Variants in CAMTA1 observed in about 807,000 individuals in gnomAD.
The protein encoded by CAMTA1 is calmodulin binding transcription activator 1, also known as calmodulin-binding transcription activator 1.
CAMTA1 carries 27 observed loss-of-function variants against 170.9 expected under a neutral mutation model. That is an observed-to-expected ratio of 0.16 (90% CI 0.12 to 0.22). CAMTA1 has a LOEUF of 0.22. Among genes scored for constraint, CAMTA1 ranks in the 10% least tolerant of loss-of-function variants. The probability of loss-of-function intolerance (pLI) is 1.00; values close to 1 mark genes in which losing one functional copy is unlikely to be tolerated. For synonymous variants in CAMTA1, 833 were observed against 891.5 expected (o/e 0.93, Z 1.17); for missense variants, 1,619 against 2,217.2 (o/e 0.73, Z 5.42).
intron 6 of CAMTA1, among the ~76,000 whole-genome samples, chr1:7,513,685 G>A (rs2094236010): frequency 6.6e-6 from 1 of 152,188 alleles, no homozygotes. Flanking sequence ...CACTTTGGGA[G>A]GCCGAGATGG....
At chr1:7,559,895 A>G (rs1053958439) in intron 6 of CAMTA1, among the ~76,000 whole-genome samples, 2 of 152,210 alleles carry the variant, frequency 1.3e-5, no homozygotes, top group African/African-American at 4.8e-5. Context: ...AGGAAACACA[A>G]GTCAGACTCG....
chr1:7,353,313 C>T (rs1234016711), intron 5 of CAMTA1, among the ~76,000 whole-genome samples: 2 of 152,168 alleles, frequency 1.3e-5, no homozygotes, highest in African/African-American at 2.4e-5. Flanking sequence ...TCTAACCTCT[C>T]ACCTGAACCC....
intron 3 of CAMTA1, among the ~76,000 whole-genome samples, chr1:6,929,961 G>T (rs1223011667): frequency 2.0e-5 from 3 of 152,178 alleles, no homozygotes; most frequent in Admixed American, 1.3e-4. Flanking sequence ...CCCATTCAAT[G>T]TGGTCTTGAC....
intron 3 of CAMTA1, among the ~76,000 whole-genome samples, chr1:6,878,725 T>C (rs927284934): frequency 4.6e-5 from 7 of 152,218 alleles, no homozygotes; most frequent in African/African-American, 1.4e-4. Flanking sequence ...GGAAGCTGGA[T>C]CAGTAAGGGA....
chr1:7,439,342 A>T (rs1051468108), intron 5 of CAMTA1, among the ~76,000 whole-genome samples: 5 of 152,098 alleles, frequency 3.3e-5, no homozygotes, highest in Non-Finnish European at 5.9e-5. Flanking sequence ...CGTTGTCTGG[A>T]ATCGAGCCCC....
At chr1:7,649,741 C>T (rs374427304) in intron 7 of CAMTA1, among the ~76,000 whole-genome samples, 4 of 152,322 alleles carry the variant, frequency 2.6e-5, no homozygotes, top group South Asian at 2.1e-4. Flanking sequence ...GCTTCAAGGC[C>T]GCATAGCTGC....
chr1:7,399,757 C>T (rs560307983), intron 5 of CAMTA1, among the ~76,000 whole-genome samples: 1 of 152,262 alleles, frequency 6.6e-6, no homozygotes, highest in East Asian at 1.9e-4. Context: ...ATATTCTAGG[C>T]TGGCAGGTTT....
intron 5 of CAMTA1, among the ~76,000 whole-genome samples, chr1:7,308,536 A>T (rs1574573035): frequency 1.3e-5 from 2 of 152,186 alleles, no homozygotes; most frequent in East Asian, 3.9e-4. Context: ...ACAGATTTTG[A>T]TACATTATAT....
intron 5 of CAMTA1, among the ~76,000 whole-genome samples, chr1:7,368,009 G>A (rs2086124046): frequency 6.6e-6 from 1 of 151,354 alleles, no homozygotes; most frequent in African/African-American, 2.4e-5. Flanking sequence ...CACAGGCCCT[G>A]GGCACTCATG....
At position 7,093,495 on chromosome 1, in the gene CAMTA1, C is replaced by A. The variant is rs1163217663; in HGVS notation, c.302+2124C>A. 6.6e-6 allele frequency among the ~76,000 whole-genome samples: 1 copy of A among 152,174 alleles called. No individual in the cohort carries two copies. Among genetic ancestry groups the A allele is most frequent in the Non-Finnish European group, 1.5e-5 (1 of 68,036 alleles). On this transcript the variant is annotated intron_variant, in intron 4 of 22. Coordinates refer to ENST00000303635, the MANE Select transcript of CAMTA1 (RefSeq NM_015215.4). The surrounding 1 kb of genome is among the most constrained non-coding windows in gnomAD (Gnocchi z 4.6). ...GGAAAGAGAAGAGCTCCTCCTTAGC[C>A]AGAGAGGGAGCTTCTCTGGAATGCG...
At chr1:7,701,788 T>C (rs1183909509) in intron 11 of CAMTA1, among the ~76,000 whole-genome samples, 3 of 152,138 alleles carry the variant, frequency 2.0e-5, no homozygotes, top group Non-Finnish European at 4.4e-5. Context: ...AACTGAGTAT[T>C]CTTTTTCTCT....
In CAMTA1 at chr1:7,248,777, A is replaced by T. The variant is rs949391703; in HGVS notation, c.303-714A>T. On this transcript the variant is annotated intron_variant, in intron 4 of 22. Coordinates refer to ENST00000303635, the MANE Select transcript of CAMTA1 (RefSeq NM_015215.4). This position sits in a 1 kb window ranked among gnomAD's most constrained non-coding sequence, Gnocchi z 4.0. ...CTTTTTCATCATCACACGAATGACCATCTAACTCTTAGCATTTAGGGAGCA... is the reference window on the plus strand; with the variant it reads ...CTTTTTCATCATCACACGAATGACCTTCTAACTCTTAGCATTTAGGGAGCA... 6.6e-6 allele frequency among the ~76,000 whole-genome samples: 1 copy of T among 152,116 alleles called. No homozygotes were observed. The highest frequency in any genetic ancestry group is 1.5e-5 in the Non-Finnish European group (1 of 68,030).
intron 5 of CAMTA1, among the ~76,000 whole-genome samples, chr1:7,369,490 T>C (rs2086268498): frequency 6.6e-6 from 1 of 152,154 alleles, no homozygotes; most frequent in African/African-American, 2.4e-5. Flanking sequence ...TGGTTAAGGC[T>C]TATCAGAGTG....
intron 5 of CAMTA1, among the ~76,000 whole-genome samples, chr1:7,347,619 A>G (rs1352147665): frequency 2.6e-5 from 4 of 152,226 alleles, no homozygotes; most frequent in Non-Finnish European, 5.9e-5. Flanking sequence ...TCTAGAGGCC[A>G]GAAGTCTGAA....
intron 5 of CAMTA1, among the ~76,000 whole-genome samples, chr1:7,459,020 G>A (rs1397859585): frequency 1.3e-5 from 2 of 152,306 alleles, no homozygotes; most frequent in African/African-American, 2.4e-5. Context: ...ATCCTTCAGC[G>A]AGGACAGTCT....
intron 11 of CAMTA1, among the ~76,000 whole-genome samples, chr1:7,708,594 A>C (rs2096545214): frequency 6.6e-6 from 1 of 152,232 alleles, no homozygotes; most frequent in African/African-American, 2.4e-5. Flanking sequence ...CTGGAATTTT[A>C]GTTTATAAAG....
At chr1:7,166,863 C>T (rs908755088) in intron 4 of CAMTA1, among the ~76,000 whole-genome samples, 2 of 150,306 alleles carry the variant, frequency 1.3e-5, no homozygotes, top group Non-Finnish European at 3.0e-5. Flanking sequence ...CAAGCTGGAG[C>T]GCAGTGGTGC....
At chr1:7,332,826 T>TACAC (rs139361283) in intron 5 of CAMTA1, among the ~76,000 whole-genome samples, 2 of 150,664 alleles carry the variant, frequency 1.3e-5, no homozygotes, top group East Asian at 1.9e-4. Context: ...CACCCGCAGA[T>TACAC]ACACACACAC....
chr1:7,498,703 G>A (rs1343286978), intron 6 of CAMTA1, among the ~76,000 whole-genome samples: 1 of 152,168 alleles, frequency 6.6e-6, no homozygotes, highest in Non-Finnish European at 1.5e-5. Flanking sequence ...GTGTATATGT[G>A]TGTGCACATG....
Sources: allele counts gnomAD v4.1 joint callset (sites outside exome capture counted in the v4.1 genomes callset), GRCh38; gene constraint gnomAD v4.1.1; non-coding constraint Gnocchi (gnomAD v3.1); transcripts MANE v1.5; gene names NCBI Gene and HGNC (gene_info 2026-07-23, HGNC 2026-07-21).